ITFG1: variants seen among roughly 807,000 people sequenced by gnomAD.
ITFG1 encodes integrin alpha FG-GAP repeat containing 1.
ITFG1 carries 34 observed loss-of-function variants against 81.8 expected under a neutral mutation model. That is an observed-to-expected ratio of 0.42 (90% CI 0.32 to 0.55). The LOEUF (loss-of-function observed/expected upper bound fraction) is 0.55, where lower values mean the gene tolerates loss of function less well. ITFG1 is among the 20% of genes least tolerant of loss of function. The pLI is 0.17. For synonymous variants in ITFG1, 285 were observed against 270.6 expected (o/e 1.05, Z -0.52); for missense variants, 672 against 755.4 (o/e 0.89, Z 1.29).
At chr16:47,175,072 C>T (rs1236029371) in intron 14 of ITFG1, among the ~76,000 whole-genome samples, 1 of 151,966 alleles carries the variant, frequency 6.6e-6, no homozygotes, top group East Asian at 1.9e-4. Context: ...GTATCTGAAG[C>T]AATACTATAC....
chr16:47,449,870 T>G (rs1480129135), intron 5 of ITFG1: 4 of 152,124 alleles, frequency 2.6e-5, no homozygotes, highest in African/African-American at 9.7e-5. Context: ...TCTGTACAGG[T>G]AATAGAAGTT....
rs79644260 is a variant in ITFG1, at chr16:47,344,810, G to A, written c.802+20978C>T. On this transcript the variant is annotated intron_variant, in intron 8 of 17. Transcript: ENST00000320640. ...AGTTTTAGATCCCACATGTAAGTGA[G>A]AACATGGGATGTTGTCTTTCTGTGC... Among the ~76,000 whole-genome samples the A allele has an allele frequency of 2.4e-3, 359 of 152,308 alleles. 1 individual carries two copies. The highest frequency in any genetic ancestry group is 4.5e-3 in the Non-Finnish European group (303 of 68,028).
intron 10 of ITFG1, among the ~76,000 whole-genome samples, chr16:47,286,798 T>G (rs551053770): frequency 1.3e-5 from 2 of 152,170 alleles, no homozygotes; most frequent in South Asian, 4.2e-4. Context: ...TGAGCTTTGA[T>G]ACATTATACA....
At chr16:47,442,433 G>A (rs911649766) in intron 5 of ITFG1, among the ~76,000 whole-genome samples, 1 of 151,994 alleles carries the variant, frequency 6.6e-6, no homozygotes, top group Non-Finnish European at 1.5e-5. Flanking sequence ...AAAAGAGCCC[G>A]CATTGCCAAG....
chr16:47,368,351 AGACCAGCCT>A (rs1021359632), intron 7 of ITFG1, among the ~76,000 whole-genome samples: 58 of 151,898 alleles, frequency 3.8e-4, no homozygotes, highest in Non-Finnish European at 7.5e-4. Context: ...TAGGAGATCA[AGACCAGCCT>A]GGCCAACATG....
chr16:47,364,697 T>C (rs899652159), intron 8 of ITFG1, among the ~76,000 whole-genome samples: 1 of 152,154 alleles, frequency 6.6e-6, no homozygotes, highest in East Asian at 1.9e-4. Flanking sequence ...CAGGACAACA[T>C]AGAGATTCAT....
chr16:47,180,950 C>T (rs1965102954), intron 14 of ITFG1, among the ~76,000 whole-genome samples: 1 of 151,452 alleles, frequency 6.6e-6, no homozygotes, highest in South Asian at 2.1e-4. Context: ...GCGTCTCTGC[C>T]CGGCCGCCCA....
chr16:47,403,170 C>G (rs1219727861), intron 6 of ITFG1, among the ~76,000 whole-genome samples: 1 of 151,134 alleles, frequency 6.6e-6, no homozygotes, highest in Non-Finnish European at 1.5e-5. Flanking sequence ...TTATAACACA[C>G]AAAATAATTG....
chr16:47,460,875 G>T lies in ITFG1; in HGVS notation c.171C>A (p.Asn57Lys). ...CGAAGAGATCCGTCTGCTTGTCGGA[G>T]TTGAGGTCCCCGAAAGCCGCAAGGG... is the stretch of plus-strand genomic sequence containing the variant. The part of the protein sequence containing the change: ...WGTLAAFGDL[N>K]SDKQTDLFVL... The change falls in exon 1 of 18, where the codon AAC becomes AAA. Residue 57 changes from asparagine (N) to lysine (K), a missense_variant. Physicochemically the swap from Asn to Lys is moderately conservative, Grantham distance 94 (BLOSUM62 0). This residue lies in a region of ITFG1 where 560 missense variants were observed against 625.7 expected (regional missense o/e 0.90). Coordinates refer to ENST00000320640, the MANE Select transcript of ITFG1 (RefSeq NM_030790.5). 1.2e-6 allele frequency: 2 copies of T among 1,613,732 alleles called. No individual in the cohort carries two copies. Among genetic ancestry groups the T allele is most frequent in the Non-Finnish European group, 1.7e-6 (2 of 1,180,002 alleles).
chr16:47,231,658 AGG>A (rs1965817851), intron 13 of ITFG1, among the ~76,000 whole-genome samples: 1 of 152,230 alleles, frequency 6.6e-6, no homozygotes, highest in South Asian at 2.1e-4. Context: ...TTATAGAGGC[AGG>A]GGTATCAACA....
At chr16:47,182,101 T>G (rs1341019116) in intron 14 of ITFG1, among the ~76,000 whole-genome samples, 1 of 151,882 alleles carries the variant, frequency 6.6e-6, no homozygotes, top group Admixed American at 6.6e-5. Flanking sequence ...CACTTGTTTA[T>G]CTGCTGACCT....
chr16:47,266,744 T>C lies in ITFG1; in HGVS notation c.1071-6049A>G, dbSNP rs187206989. On this transcript the variant is annotated intron_variant, in intron 10 of 17. Coordinates refer to ENST00000320640, the MANE Select transcript of ITFG1 (RefSeq NM_030790.5). ...GAAAACATGGCTACACAGAAACTTATATGGAAAAATGTTCATAGTCGTAGT... is the reference window on the plus strand; with the variant it reads ...GAAAACATGGCTACACAGAAACTTACATGGAAAAATGTTCATAGTCGTAGT... 5.3e-5 allele frequency among the ~76,000 whole-genome samples: 8 copies of C among 152,322 alleles called. No homozygotes were observed. In the East Asian group the frequency reaches 1.5e-3, roughly 29 times the overall value.
At chr16:47,438,121 A>G (rs796366644) in intron 5 of ITFG1, among the ~76,000 whole-genome samples, 7 of 152,320 alleles carry the variant, frequency 4.6e-5, no homozygotes, top group African/African-American at 1.7e-4. Context: ...GTAAGGCCAC[A>G]GCGAGGCTGG....
intron 8 of ITFG1, among the ~76,000 whole-genome samples, chr16:47,337,681 C>G (rs1967725423): frequency 6.6e-6 from 1 of 152,160 alleles, no homozygotes; most frequent in Non-Finnish European, 1.5e-5. Context: ...TCAACACAAC[C>G]AATAAAATCG....
At chr16:47,353,525 A>T (rs1335097829) in intron 8 of ITFG1, among the ~76,000 whole-genome samples, 2 of 151,406 alleles carry the variant, frequency 1.3e-5, no homozygotes, top group African/African-American at 2.4e-5. Flanking sequence ...CACTTGTATT[A>T]AAAAAAAATT....
intron 13 of ITFG1, among the ~76,000 whole-genome samples, chr16:47,231,778 G>C (rs1965819089): frequency 1.3e-5 from 2 of 152,176 alleles, no homozygotes; most frequent in Admixed American, 6.5e-5. Context: ...ATAACCTTAA[G>C]GTAATGTGAT....
At chr16:47,219,124 AT>A (rs778394752) in intron 13 of ITFG1, among the ~76,000 whole-genome samples, 178 bp from the exon 14 acceptor site, 13 of 152,198 alleles carry the variant, frequency 8.5e-5, no homozygotes, top group Non-Finnish European at 1.5e-4. Context: ...GTGTTAAAAA[AT>A]AATAAACAAA....
chr16:47,242,679 G>A (rs1189418408), intron 12 of ITFG1, among the ~76,000 whole-genome samples: 1 of 152,120 alleles, frequency 6.6e-6, no homozygotes, highest in African/African-American at 2.4e-5. Flanking sequence ...CCCTTGGGTT[G>A]GTGAAGGTGT....
At chr16:47,447,492 C>A (rs1014359219) in intron 5 of ITFG1, among the ~76,000 whole-genome samples, 14 of 152,080 alleles carry the variant, frequency 9.2e-5, no homozygotes, top group African/African-American at 3.4e-4. Context: ...CAGTATAAGT[C>A]ACCAAGAAAT....
Sources: allele counts gnomAD v4.1 joint callset (sites outside exome capture counted in the v4.1 genomes callset), GRCh38; gene constraint gnomAD v4.1.1; regional missense constraint gnomAD v4.1.1; transcripts MANE v1.5; gene names NCBI Gene and HGNC (gene_info 2026-07-23, HGNC 2026-07-21).